Variants in HYDIN observed in about 807,000 individuals in gnomAD.
HYDIN encodes the protein axonemal central pair apparatus protein HYDIN.
A neutral mutation model predicts 403.9 loss-of-function variants in HYDIN; 132 were observed. That is an observed-to-expected ratio of 0.33 (90% CI 0.28 to 0.38). The LOEUF is 0.38. Among genes scored for constraint, HYDIN ranks in the 10% least tolerant of loss-of-function variants. HYDIN has a pLI of 1.00. For synonymous variants in HYDIN, 1,202 were observed against 1,891.7 expected (o/e 0.64, Z 9.46); for missense variants, 2,827 against 5,009.5 (o/e 0.56, Z 13.15).
At chr16:70,878,118 A>G (rs2040557756) in intron 62 of HYDIN, among the ~76,000 whole-genome samples, 1 of 152,130 alleles carries the variant, frequency 6.6e-6, no homozygotes, top group Non-Finnish European at 1.5e-5. Context: ...TAAATGAATC[A>G]TGGGGGCGGG....
chr16:70,810,757 G>A (rs1218534201), intron 84 of HYDIN, among the ~76,000 whole-genome samples: 1 of 152,166 alleles, frequency 6.6e-6, no homozygotes, highest in Non-Finnish European at 1.5e-5. Context: ...TTGAACCCGG[G>A]AAGGAGAGGT....
chr16:70,904,518 T>TTTTTG (rs767375464), intron 50 of HYDIN, among the ~76,000 whole-genome samples: 565 of 36,972 alleles, frequency 0.015, 139 homozygotes, highest in Non-Finnish European at 0.025. Flanking sequence ...TTTTTTTTTT[T>TTTTTG]TGAGGGAGTT....
chr16:70,888,833 A>G (rs1327186732), intron 58 of HYDIN, among the ~76,000 whole-genome samples: 2 of 152,224 alleles, frequency 1.3e-5, no homozygotes, highest in Non-Finnish European at 2.9e-5. Flanking sequence ...CGTGGGACCA[A>G]ATATTTTTCT....
At chr16:71,137,055 A>C (rs1290686364) in intron 8 of HYDIN, 96 bp downstream of exon 8, 2 of 868,498 alleles carry the variant, frequency 2.3e-6, no homozygotes, top group Non-Finnish European at 3.6e-6. Flanking sequence ...TGAGTTGGCT[A>C]AAAATGTAGT....
intron 18 of HYDIN, among the ~76,000 whole-genome samples, chr16:71,042,827 G>C (rs1053698583): frequency 5.3e-5 from 8 of 151,960 alleles, no homozygotes; most frequent in African/African-American, 1.7e-4. Flanking sequence ...CTCCCATCTG[G>C]ACAGGCTGCC....
intron 1 of HYDIN, among the ~76,000 whole-genome samples, chr16:71,188,067 C>A (rs1181844079): frequency 6.6e-6 from 1 of 152,186 alleles, no homozygotes; most frequent in African/African-American, 2.4e-5. Context: ...ATTATTATAG[C>A]CCCACCCTTA....
At chr16:70,841,588 G>A (rs923041299) in intron 75 of HYDIN, among the ~76,000 whole-genome samples, 5 of 152,064 alleles carry the variant, frequency 3.3e-5, no homozygotes, top group Non-Finnish European at 7.4e-5. Flanking sequence ...TGGGAAGTGG[G>A]ACTTTTAAGA....
At chr16:71,222,350 C>A (rs1431735901) in intron 1 of HYDIN, among the ~76,000 whole-genome samples, 2 of 152,066 alleles carry the variant, frequency 1.3e-5, no homozygotes, top group Non-Finnish European at 2.9e-5. Flanking sequence ...ATAATAAAAG[C>A]CATATACGAC....
At chr16:70,972,050 A>ATTT (rs56408414) in intron 35 of HYDIN, among the ~76,000 whole-genome samples, 2 of 148,906 alleles carry the variant, frequency 1.3e-5, no homozygotes, top group African/African-American at 2.5e-5. Context: ...GAACAAATCT[A>ATTT]TTTTTTTTTT....
intron 75 of HYDIN, among the ~76,000 whole-genome samples, chr16:70,845,365 C>T (rs919687119): frequency 4.2e-5 from 3 of 72,282 alleles, no homozygotes; most frequent in African/African-American, 1.4e-4. Context: ...GTATATTGAA[C>T]CAGCCTTGCA....
chr16:71,211,484 CAA>C (rs927046272), intron 1 of HYDIN, among the ~76,000 whole-genome samples: 24 of 151,394 alleles, frequency 1.6e-4, no homozygotes, highest in African/African-American at 5.8e-4. Context: ...ACTAAAAATA[CAA>C]AAAAAATTAG....
chr16:70,912,981 C>G (rs2076735702), intron 47 of HYDIN, among the ~76,000 whole-genome samples: 1 of 151,086 alleles, frequency 6.6e-6, no homozygotes, highest in South Asian at 2.1e-4. Flanking sequence ...GTAATATCTC[C>G]TGTTTGTTTC....
At chr16:71,006,804 C>T (rs1304958025) in intron 23 of HYDIN, among the ~76,000 whole-genome samples, 1 of 152,118 alleles carries the variant, frequency 6.6e-6, no homozygotes. Flanking sequence ...TCAGTATTCC[C>T]ACCAGATTTC....
At chr16:71,048,356 A>G (rs2081519453) in intron 18 of HYDIN, among the ~76,000 whole-genome samples, 1 of 133,588 alleles carries the variant, frequency 7.5e-6, no homozygotes, top group South Asian at 2.4e-4. Context: ...ATAAGTACCC[A>G]GTAGTGGGAT....
intron 1 of HYDIN, among the ~76,000 whole-genome samples, chr16:71,218,825 T>C (rs112553098): frequency 2.0e-5 from 3 of 152,192 alleles, no homozygotes; most frequent in Admixed American, 6.5e-5. Flanking sequence ...AGAAATGAAA[T>C]GCATAAGGCC....
intron 21 of HYDIN, among the ~76,000 whole-genome samples, chr16:71,021,649 A>G (rs1292963833): frequency 6.6e-6 from 1 of 151,962 alleles, no homozygotes; most frequent in Non-Finnish European, 1.5e-5. Context: ...AGGGTTCTTT[A>G]GTATCATCAG....
intron 11 of HYDIN, among the ~76,000 whole-genome samples, chr16:71,089,172 T>A (rs943388146): frequency 1.3e-5 from 2 of 151,356 alleles, no homozygotes; most frequent in Admixed American, 1.3e-4. Context: ...TCTGGAAGCA[T>A]GTTATTGCCC....
intron 7 of HYDIN, among the ~76,000 whole-genome samples, chr16:71,152,340 A>C (rs917030185): frequency 2.0e-5 from 3 of 151,922 alleles, no homozygotes; most frequent in African/African-American, 7.3e-5. Context: ...AATTTTTTAA[A>C]ATTGATTTTA....
chr16:71,171,533 T>A (rs1221280844), intron 5 of HYDIN, among the ~76,000 whole-genome samples: 1 of 152,250 alleles, frequency 6.6e-6, no homozygotes, highest in East Asian at 1.9e-4. Flanking sequence ...TCATTTGTAA[T>A]CTTTTCTGGG....
Sources: gnomAD v4.1 joint callset for allele counts (sites outside exome capture counted in the v4.1 genomes callset) on GRCh38, gnomAD v4.1.1 for gene constraint, MANE v1.5 for transcripts, NCBI Gene and HGNC (gene_info 2026-07-23, HGNC 2026-07-21) for gene names.